ROR2: variants seen among roughly 807,000 people sequenced by gnomAD.
The protein encoded by ROR2 is ROR family WNT receptor 2.
Under a neutral mutation model 74.9 loss-of-function variants are expected in ROR2, and 33 were observed. The observed-to-expected ratio is 0.44, with a 90% confidence interval of 0.33 to 0.59. ROR2 has a LOEUF of 0.59. Ranked by LOEUF, ROR2 falls within the 20% of genes least tolerant of loss-of-function variation. The pLI, the probability that ROR2 is intolerant of heterozygous loss-of-function variation, is 0.02. For synonymous variants in ROR2, 586 were observed against 558.7 expected, an observed-to-expected ratio of 1.05 and a Z score of -0.69; for missense variants, 1,216 against 1,313.8, an observed-to-expected ratio of 0.93 and a Z score of 1.15.
At chr9:91,845,009 A>G (rs1828884090) in intron 1 of ROR2, among the ~76,000 whole-genome samples, 1 of 152,224 alleles carries the variant, frequency 6.6e-6, no homozygotes, top group African/African-American at 2.4e-5. Flanking sequence ...CATTCATGAC[A>G]CAGTTCAAAA....
chr9:91,806,681 C>CAA (rs1348276361), intron 1 of ROR2, among the ~76,000 whole-genome samples: 1 of 152,168 alleles, frequency 6.6e-6, no homozygotes, highest in African/African-American at 2.4e-5. Context: ...GCTCTGCCTC[C>CAA]CGGGTTCACG....
At chr9:91,809,899 A>G (rs1326724020) in intron 1 of ROR2, among the ~76,000 whole-genome samples, 1 of 152,248 alleles carries the variant, frequency 6.6e-6, no homozygotes, top group Non-Finnish European at 1.5e-5. Flanking sequence ...AACAGTGTCC[A>G]GTGTCCAAGG....
chr9:91,861,760 T>C (rs1014776633), intron 1 of ROR2, among the ~76,000 whole-genome samples: 1 of 152,178 alleles, frequency 6.6e-6, no homozygotes, highest in Non-Finnish European at 1.5e-5. Context: ...TCATCAATAT[T>C]AAAAACTTGT....
chr9:91,856,396 T>C (rs1014212143), intron 1 of ROR2, among the ~76,000 whole-genome samples: 15 of 152,244 alleles, frequency 9.9e-5, no homozygotes, highest in African/African-American at 3.6e-4. Flanking sequence ...TGGGCTAAAT[T>C]GTGTTCCTCC....
intron 1 of ROR2, among the ~76,000 whole-genome samples, chr9:91,810,638 G>A (rs530421442): frequency 1.3e-5 from 2 of 152,258 alleles, no homozygotes; most frequent in African/African-American, 2.4e-5. Context: ...CACACAGGAC[G>A]CCTGTCCGGT....
intron 1 of ROR2, among the ~76,000 whole-genome samples, chr9:91,776,438 C>G (rs1826422639): frequency 6.6e-6 from 1 of 152,196 alleles, no homozygotes; most frequent in African/African-American, 2.4e-5. Context: ...CATGACCAGC[C>G]ATTTAGAAGA....
At chr9:91,819,756 T>C (rs1828081178) in intron 1 of ROR2, among the ~76,000 whole-genome samples, 1 of 151,774 alleles carries the variant, frequency 6.6e-6, no homozygotes, top group Admixed American at 6.6e-5. Flanking sequence ...CAATATTCTG[T>C]GTGTGTGTCT....
intron 1 of ROR2, 23 bp from the exon 2 acceptor site, chr9:91,775,841 G>C (rs1354001370): frequency 6.2e-7 from 1 of 1,608,446 alleles, no homozygotes; most frequent in African/African-American, 1.3e-5. Flanking sequence ...AACCAGGATA[G>C]GTATTAAACA....
Position 91,912,400 on chromosome 9 carries a change from G to A in ROR2, c.97+37467C>T, listed in dbSNP as rs2039264949. 2.0e-5 allele frequency among the ~76,000 whole-genome samples: 3 copies of A among 152,132 alleles called. No individual in the cohort carries two copies. The South Asian group carries it at 6.2e-4, about 32-fold the overall frequency. ...AGAATTGTAATGTTTCCCACAAAAA[G>A]AAGTGTTTGAGGTAATGGATATTGC... On this transcript the variant is annotated intron_variant, in intron 1 of 8. Coordinates refer to ENST00000375708, the MANE Select transcript of ROR2 (RefSeq NM_004560.4).
In ROR2 at chr9:91,737,664, G is replaced by C; in HGVS notation, c.495-146C>G. On this transcript the variant is annotated intron_variant, in intron 4 of 8. Coordinates refer to ENST00000375708, the MANE Select transcript of ROR2 (RefSeq NM_004560.4). ...AAATTTAAATAAGTAGAACACATAA[G>C]TCACACAAAAACCTGTATGTAAATG... 3.6e-6 allele frequency: 4 copies of C among 1,105,514 alleles called. No homozygotes were observed. In the Admixed American group the frequency reaches 6.3e-5, roughly 17 times the overall value. 68.5% of individuals were successfully genotyped at this position (1,105,514 alleles called of 1,614,324 possible). A position where few individuals can be genotyped will look rare whatever the true frequency, so the allele number is the denominator to read the frequency against.
intron 1 of ROR2, among the ~76,000 whole-genome samples, chr9:91,895,992 G>A (rs1191454059): frequency 3.9e-5 from 6 of 152,144 alleles, no homozygotes; most frequent in Non-Finnish European, 7.4e-5. Flanking sequence ...TGGCAGCTGA[G>A]ACTGCTTGTG....
chr9:91,775,953 T>A, intron 1 of ROR2, 135 bp from the exon 2 acceptor site: 1 of 742,154 alleles, frequency 1.3e-6, no homozygotes, highest in Non-Finnish European at 2.4e-6. Flanking sequence ...GATAAGACAT[T>A]ATGGTAACCT....
At chr9:91,936,221 CGT>C (rs202066672) in intron 1 of ROR2, among the ~76,000 whole-genome samples, 4 of 152,188 alleles carry the variant, frequency 2.6e-5, no homozygotes, top group African/African-American at 9.6e-5. Context: ...TGGGTGGATG[CGT>C]GTGTTAGCCT....
At chr9:91,765,497 G>C (rs1354862094) in intron 2 of ROR2, among the ~76,000 whole-genome samples, 1 of 152,210 alleles carries the variant, frequency 6.6e-6, no homozygotes, top group Non-Finnish European at 1.5e-5. Flanking sequence ...TTGACAGGCA[G>C]TGCCAAGTTT....
intron 1 of ROR2, among the ~76,000 whole-genome samples, chr9:91,945,848 G>A (rs1400541158): frequency 6.6e-6 from 1 of 152,214 alleles, no homozygotes; most frequent in Non-Finnish European, 1.5e-5. Context: ...AAGCAAAGCT[G>A]TCCCGCCCTC....
intron 1 of ROR2, among the ~76,000 whole-genome samples, chr9:91,926,237 A>T (rs1831391976): frequency 6.6e-6 from 1 of 151,132 alleles, no homozygotes; most frequent in Non-Finnish European, 1.5e-5. Context: ...AAAAAAAATT[A>T]GCAGGGCATG....
chr9:91,853,299 G>A (rs999931390), intron 1 of ROR2, among the ~76,000 whole-genome samples: 8 of 152,362 alleles, frequency 5.3e-5, no homozygotes, highest in Non-Finnish European at 1.0e-4. Context: ...ACTGGGAAAG[G>A]TGACCGTGCT....
chr9:91,928,492 T>C (rs1831468121), intron 1 of ROR2, among the ~76,000 whole-genome samples: 1 of 152,230 alleles, frequency 6.6e-6, no homozygotes, highest in African/African-American at 2.4e-5. Context: ...CACTCTGACG[T>C]GGGCTCACCG....
intron 1 of ROR2, among the ~76,000 whole-genome samples, chr9:91,893,429 G>A (rs1830470518): frequency 1.3e-5 from 2 of 151,918 alleles, no homozygotes; most frequent in South Asian, 4.1e-4. Flanking sequence ...GGCAGAGTAA[G>A]TGTGACTCTG....
Sources: gnomAD v4.1 joint callset for allele counts (sites outside exome capture counted in the v4.1 genomes callset) on GRCh38, gnomAD v4.1.1 for gene constraint, MANE v1.5 for transcripts, NCBI Gene and HGNC (gene_info 2026-07-23, HGNC 2026-07-21) for gene names.